The following CIMIP2B variants were observed in gnomAD, a reference collection of about 807,000 sequenced individuals.
CIMIP2B encodes ciliary microtubule inner protein 2B.
chr9:35,563,082 T>G, the CIMIP2B span: 1 of 1,613,760 alleles, frequency 6.2e-7, no homozygotes, highest in Non-Finnish European at 8.5e-7. Flanking sequence ...GTACAAAACC[T>G]GGGCAGGCAG....
the CIMIP2B span, chr9:35,562,477 T>TGA: frequency 6.3e-7 from 1 of 1,583,134 alleles, no homozygotes; most frequent in Non-Finnish European, 8.6e-7. Context: ...CACTGCCTGG[T>TGA]GAGTGCTTCT....
At chr9:35,562,092 T>C in the CIMIP2B span, 26 of 1,531,286 alleles carry the variant, frequency 1.7e-5, no homozygotes, top group Middle Eastern at 4.2e-4. Flanking sequence ...CTGGAACTTA[T>C]ACCCTGTGTG....
At chr9:35,563,153 C>A in the CIMIP2B span, 5 of 1,613,784 alleles carry the variant, frequency 3.1e-6, no homozygotes, top group Non-Finnish European at 4.2e-6. Context: ...CCTGTGCATA[C>A]CTGCGTACAA....
chr9:35,563,870 C>G, the CIMIP2B span: 2 of 1,587,076 alleles, frequency 1.3e-6, no homozygotes, highest in Non-Finnish European at 1.7e-6. Flanking sequence ...TGAGCCAAGG[C>G]TCTGGTCTGT....
At chr9:35,563,660 T>G in the CIMIP2B span, 4 of 1,098,242 alleles carry the variant, frequency 3.6e-6, no homozygotes, top group South Asian at 4.2e-5. Context: ...GACCTCAGCC[T>G]CCCAAACCAA....
chr9:35,563,132 T>TG, the CIMIP2B span: 1 of 1,613,428 alleles, frequency 6.2e-7, no homozygotes, highest in Non-Finnish European at 8.5e-7. Flanking sequence ...CACATGCTCC[T>TG]GGGAGGGGCA....
chr9:35,561,919 A>ACCTTCCCCCC, the CIMIP2B span: 6 of 109,270 alleles, frequency 5.5e-5, no homozygotes, highest in Non-Finnish European at 7.5e-5. Flanking sequence ...GTGTTCCCCC[A>ACCTTCCCCCC]CCCTCCCACC....
At chr9:35,563,564 C>A in the CIMIP2B span, among the ~76,000 whole-genome samples, 1 of 152,180 alleles carries the variant, frequency 6.6e-6, no homozygotes, top group Admixed American at 6.5e-5. Flanking sequence ...TTACCCTGTT[C>A]CCATGGAGAG....
the CIMIP2B span, chr9:35,562,184 C>A: frequency 8.9e-6 from 10 of 1,122,248 alleles, no homozygotes; most frequent in South Asian, 1.3e-4. Flanking sequence ...TCCAAACAGC[C>A]CTCTAAAATC....
At chr9:35,563,064 T>C in the CIMIP2B span, 1 of 1,613,998 alleles carries the variant, frequency 6.2e-7, no homozygotes, top group South Asian at 1.1e-5. Flanking sequence ...AGATGAACTG[T>C]GCCCGGGGTA....
At chr9:35,563,144 C>T in the CIMIP2B span, 6 of 1,613,184 alleles carry the variant, frequency 3.7e-6, no homozygotes, top group Non-Finnish European at 5.1e-6. Context: ...GGAGGGGCAC[C>T]TGTGCATACC....
At chr9:35,563,217 CAGGT>C in the CIMIP2B span, 1 of 1,613,876 alleles carries the variant, frequency 6.2e-7, no homozygotes, top group East Asian at 2.2e-5. Flanking sequence ...CCACGCCTGA[CAGGT>C]AGACTCTCCC....
the CIMIP2B span, chr9:35,562,679 C>A: frequency 6.2e-7 from 1 of 1,613,748 alleles, no homozygotes; most frequent in South Asian, 1.1e-5. Context: ...GGGTCCCTGT[C>A]ATCCATGGAG....
At chr9:35,562,032 G>A in the CIMIP2B span, 3 of 1,534,804 alleles carry the variant, frequency 2.0e-6, no homozygotes, top group South Asian at 2.4e-5. Flanking sequence ...CTTCTGGAAG[G>A]TGCTGAGGCC....
chr9:35,563,071 G>A, the CIMIP2B span: 1 of 1,613,954 alleles, frequency 6.2e-7, no homozygotes, highest in Non-Finnish European at 8.5e-7. Context: ...CTGTGCCCGG[G>A]GTACAAAACC....
chr9:35,563,217 C>T, the CIMIP2B span: 1 of 1,613,994 alleles, frequency 6.2e-7, no homozygotes, highest in Non-Finnish European at 8.5e-7. Context: ...CCACGCCTGA[C>T]AGGTAGACTC....
At chr9:35,562,063 G>A in the CIMIP2B span, 1 of 1,535,528 alleles carries the variant, frequency 6.5e-7, no homozygotes, top group Non-Finnish European at 8.7e-7. Flanking sequence ...TGGGTGAGAT[G>A]GCCAAATGTG....
At chr9:35,562,885 A>AC in the CIMIP2B span, 1 of 1,613,212 alleles carries the variant, frequency 6.2e-7, no homozygotes, top group East Asian at 2.2e-5. Flanking sequence ...TTGTTCCACC[A>AC]CCTCCAGTGT....
the CIMIP2B span, chr9:35,561,996 T>G: frequency 1.5e-6 from 2 of 1,323,516 alleles, no homozygotes; most frequent in Non-Finnish European, 9.8e-7. Flanking sequence ...GGGAACTTGA[T>G]GTCCAGTGGC....
Sources: gnomAD v4.1 joint callset for allele counts (sites outside exome capture counted in the v4.1 genomes callset) on GRCh38, gnomAD v4.1.1 for gene constraint, MANE v1.5 for transcripts, NCBI Gene and HGNC (gene_info 2026-07-23, HGNC 2026-07-21) for gene names.